The following TANC1 variants were observed in gnomAD, a reference collection of about 807,000 sequenced individuals.
The protein encoded by TANC1 is tetratricopeptide repeat, ankyrin repeat and coiled-coil containing 1, also known as protein TANC1.
Under a neutral mutation model 149.7 loss-of-function variants are expected in TANC1, and 77 were observed. That is an observed-to-expected ratio of 0.51 (90% CI 0.43 to 0.62). TANC1 has a LOEUF of 0.62. Ranked by LOEUF, TANC1 falls within the 20% of genes least tolerant of loss-of-function variation. The pLI, the probability that TANC1 is intolerant of heterozygous loss-of-function variation, is 0.00. For missense variants in TANC1, 1,985 were observed against 2,321.8 expected (o/e 0.85, Z 2.98); for synonymous variants, 854 against 925.0 (o/e 0.92, Z 1.39).
chr2:159,068,175 G>T (rs2042830979), intron 3 of TANC1, among the ~76,000 whole-genome samples: 1 of 152,142 alleles, frequency 6.6e-6, no homozygotes, highest in African/African-American at 2.4e-5. Flanking sequence ...CAGGATTGTT[G>T]GGGGAAATAC....
At chr2:159,044,868 C>G (rs2040921251) in intron 2 of TANC1, among the ~76,000 whole-genome samples, 1 of 152,202 alleles carries the variant, frequency 6.6e-6, no homozygotes. Context: ...GTGTGACTTG[C>G]CAGCAGGATT....
At chr2:159,119,599 G>A (rs1205762814) in intron 4 of TANC1, among the ~76,000 whole-genome samples, 1 of 152,196 alleles carries the variant, frequency 6.6e-6, no homozygotes, top group East Asian at 1.9e-4. Flanking sequence ...GCTGTAGCAT[G>A]TTTAATGTGG....
rs1268439371 is a variant in TANC1, at chr2:159,169,301, A to G, written c.998A>G (p.Asn333Ser). The change falls in exon 9 of 27, where the codon AAT becomes AGT. Residue 333 changes from asparagine (N) to serine (S), a missense_variant. Around this residue, in one of 3 missense-constraint regions of TANC1, gnomAD observed 557 missense variants for 612.9 expected, o/e 0.91. Coordinates refer to ENST00000263635, the MANE Select transcript of TANC1 (RefSeq NM_033394.3). The stretch of plus-strand genomic sequence containing the variant: ...CTGAGTTATTTAGACGGGCAGAGAA[A>G]TGCTCCTCTACGGACGTCAATTAGA... ...EDLSYLDGQR[N>S]APLRTSIRLP... The G allele has an allele frequency of 1.9e-6, 3 of 1,613,264 alleles. No individual in the cohort carries two copies. The highest frequency in any genetic ancestry group is 2.2e-5 in the South Asian group (2 of 91,050).
intron 3 of TANC1, among the ~76,000 whole-genome samples, chr2:159,074,023 G>T (rs974085468): frequency 2.0e-5 from 3 of 152,178 alleles, no homozygotes; most frequent in Admixed American, 2.0e-4. Context: ...GACCAGCTGG[G>T]TAGCCCTAGC....
At chr2:158,971,884 A>G (rs1307163279) in intron 1 of TANC1, among the ~76,000 whole-genome samples, 2 of 152,224 alleles carry the variant, frequency 1.3e-5, no homozygotes, top group Non-Finnish European at 2.9e-5. Context: ...GTTGAACTTG[A>G]ACCAGAGTCT....
chr2:159,183,484 G>T (rs1043515474), intron 14 of TANC1, among the ~76,000 whole-genome samples: 6 of 152,128 alleles, frequency 3.9e-5, no homozygotes, highest in African/African-American at 1.4e-4. Context: ...CGTGGAGGAG[G>T]GTTTCAGGGA....
intron 2 of TANC1, among the ~76,000 whole-genome samples, chr2:159,034,490 C>T (rs1296197270): frequency 2.0e-5 from 3 of 152,172 alleles, no homozygotes; most frequent in Non-Finnish European, 2.9e-5. Context: ...CCAGAGATCC[C>T]GTTTCACTTT....
chr2:158,997,561 A>G (rs1370752096), intron 1 of TANC1, among the ~76,000 whole-genome samples: 2 of 152,194 alleles, frequency 1.3e-5, no homozygotes, highest in African/African-American at 4.8e-5. Context: ...ATGGATAATT[A>G]TAGGTCTGGG....
At chr2:159,150,687 A>G (rs954591015) in intron 7 of TANC1, 131 bp downstream of exon 7, 1 of 656,426 alleles carries the variant, frequency 1.5e-6, no homozygotes, top group Admixed American at 2.6e-5. Context: ...TGTTCTTTGC[A>G]GGCAGCACTG....
intron 19 of TANC1, among the ~76,000 whole-genome samples, chr2:159,210,534 C>T (rs1306452229): frequency 3.3e-5 from 5 of 152,056 alleles, no homozygotes; most frequent in East Asian, 1.9e-4. Context: ...GTTTCCAATA[C>T]GTTCAGATTG....
chr2:158,977,319 T>A (rs1041960163), intron 1 of TANC1, among the ~76,000 whole-genome samples: 48 of 150,654 alleles, frequency 3.2e-4, no homozygotes, highest in East Asian at 7.8e-4. Flanking sequence ...TAAAAAAAAA[T>A]TTTTTTTTTG....
rs550615566 is a variant in TANC1 at position 159,230,061 on chromosome 2, G to A, written c.4635G>A (p.Ser1545=). Residue 1545 remains serine, a synonymous_variant, in exon 27 of 27, where the codon TCG becomes TCA. Transcript: ENST00000263635. This position sits in a 1 kb window ranked among gnomAD's most constrained non-coding sequence, Gnocchi z 4.4. ...KTSQHLGSGQ[S]AVRNGSMKVQ... ...GCCAGCACCTGGGCTCTGGCCAGTC[G>A]GCAGTGAGAAATGGCAGTATGAAAG... The A allele has an allele frequency of 5.2e-5, 84 of 1,614,030 alleles. No individual in the cohort carries two copies. The African/African-American group carries it at 6.3e-4, about 12-fold the overall frequency.
At chr2:159,193,334 A>G (rs1210686028) in intron 16 of TANC1, among the ~76,000 whole-genome samples, 1 of 152,232 alleles carries the variant, frequency 6.6e-6, no homozygotes, top group African/African-American at 2.4e-5. Context: ...CATTGTATGT[A>G]TATGTACCAC....
intron 2 of TANC1, among the ~76,000 whole-genome samples, chr2:159,039,140 A>C (rs1164612765): frequency 6.6e-6 from 1 of 151,958 alleles, no homozygotes; most frequent in East Asian, 1.9e-4. Flanking sequence ...ATTTGCATAG[A>C]GGTGTTTATA....
At chr2:159,075,356 C>G (rs2043555373) in intron 3 of TANC1, among the ~76,000 whole-genome samples, 1 of 151,404 alleles carries the variant, frequency 6.6e-6, no homozygotes, top group African/African-American at 2.4e-5. Context: ...TTGCTTGAGC[C>G]TAGGCGTTCA....
intron 2 of TANC1, among the ~76,000 whole-genome samples, chr2:159,046,846 C>T (rs2041099991): frequency 6.6e-6 from 1 of 151,984 alleles, no homozygotes; most frequent in Admixed American, 6.5e-5. Context: ...TCTAGCGATC[C>T]ACTTGCCTCG....
At chr2:159,141,400 G>A (rs538619283) in intron 5 of TANC1, among the ~76,000 whole-genome samples, 1 of 152,272 alleles carries the variant, frequency 6.6e-6, no homozygotes, top group South Asian at 2.1e-4. Flanking sequence ...TTAAGTGAGA[G>A]GATAAAGTCT....
intron 2 of TANC1, among the ~76,000 whole-genome samples, chr2:159,020,554 T>A (rs1424379042): frequency 6.6e-6 from 1 of 152,254 alleles, no homozygotes; most frequent in African/African-American, 2.4e-5. Context: ...CCGCAGCATT[T>A]ATGACATACT....
chr2:159,078,120 G>A (rs2043882567), intron 3 of TANC1, among the ~76,000 whole-genome samples: 1 of 152,152 alleles, frequency 6.6e-6, no homozygotes, highest in Non-Finnish European at 1.5e-5. Flanking sequence ...TATCAGCTAT[G>A]TGAACTTGGG....
Sources: gnomAD v4.1 joint callset for allele counts (sites outside exome capture counted in the v4.1 genomes callset) on GRCh38, gnomAD v4.1.1 for gene constraint, gnomAD v4.1.1 regional missense constraint, Gnocchi (gnomAD v3.1) non-coding constraint, MANE v1.5 for transcripts, NCBI Gene and HGNC (gene_info 2026-07-23, HGNC 2026-07-21) for gene names.